Variants in DLG2 observed in about 807,000 individuals in gnomAD.
The protein encoded by DLG2 is disks large homolog 2.
A neutral mutation model predicts 132.5 loss-of-function variants in DLG2; 45 were observed. That is an observed-to-expected ratio of 0.34 (90% confidence interval 0.27 to 0.44). DLG2 has a LOEUF of 0.44. Among genes scored for constraint, DLG2 ranks in the 20% least tolerant of loss-of-function variants. DLG2 has a pLI of 1.00. For synonymous variants in DLG2, 424 were observed against 419.6 expected (o/e 1.01, Z -0.13); for missense variants, 1,045 against 1,196.9 (o/e 0.87, Z 1.87).
At chr11:84,541,961 T>C (rs2099373662) in intron 6 of DLG2, among the ~76,000 whole-genome samples, 1 of 152,176 alleles carries the variant, frequency 6.6e-6, no homozygotes, top group African/African-American at 2.4e-5. Flanking sequence ...CACTGGAGGT[T>C]CTCTGGTGCA....
At chr11:83,523,421 C>A (rs1027686525) in intron 21 of DLG2, among the ~76,000 whole-genome samples, 1 of 152,158 alleles carries the variant, frequency 6.6e-6, no homozygotes, top group Non-Finnish European at 1.5e-5. Context: ...ATGCTACTAA[C>A]ATCTGGAATT....
chr11:83,800,265 T>C (rs1395138049), intron 17 of DLG2, among the ~76,000 whole-genome samples: 1 of 152,184 alleles, frequency 6.6e-6, no homozygotes, highest in Non-Finnish European at 1.5e-5. Context: ...TCAGTTTCTT[T>C]ATCTAGAAAG....
At chr11:84,339,245 G>T (rs1040036764) in intron 7 of DLG2, among the ~76,000 whole-genome samples, 2 of 152,096 alleles carry the variant, frequency 1.3e-5, no homozygotes, top group East Asian at 3.9e-4. Context: ...TGTGTTAAAA[G>T]CAAAAGTAAT....
At chr11:84,933,861 C>T (rs2048370366) in intron 6 of DLG2, among the ~76,000 whole-genome samples, 1 of 152,206 alleles carries the variant, frequency 6.6e-6, no homozygotes, top group Non-Finnish European at 1.5e-5. Flanking sequence ...ATTTCCTTCT[C>T]TTTCCTCATT....
At chr11:84,739,751 G>C (rs1257748044) in intron 6 of DLG2, among the ~76,000 whole-genome samples, 24 of 152,152 alleles carry the variant, frequency 1.6e-4, no homozygotes, top group Admixed American at 1.6e-3. Flanking sequence ...ACTAGGTGAA[G>C]GATGTAGCCA....
intron 6 of DLG2, among the ~76,000 whole-genome samples, chr11:84,809,291 T>G (rs2076312575): frequency 6.6e-6 from 1 of 151,920 alleles, no homozygotes; most frequent in African/African-American, 2.4e-5. Flanking sequence ...CTCAACTCAA[T>G]AAAGTGCATC....
intron 6 of DLG2, among the ~76,000 whole-genome samples, chr11:84,653,164 A>C (rs2099684180): frequency 6.6e-6 from 1 of 152,132 alleles, no homozygotes; most frequent in Admixed American, 6.5e-5. Context: ...TCCTGACCTC[A>C]AGTGATCTTC....
At chr11:83,655,954 T>C (rs2072279300) in intron 18 of DLG2, among the ~76,000 whole-genome samples, 1 of 152,242 alleles carries the variant, frequency 6.6e-6, no homozygotes, top group African/African-American at 2.4e-5. Context: ...TCCTCAAAGA[T>C]GCCTAAACAG....
At chr11:85,445,025 G>A (rs755465718) in intron 3 of DLG2, among the ~76,000 whole-genome samples, 5 of 152,128 alleles carry the variant, frequency 3.3e-5, no homozygotes, top group Non-Finnish European at 5.9e-5. Flanking sequence ...AATAAAATAA[G>A]AGAAAGAACA....
At chr11:84,608,949 G>T (rs751617961) in intron 6 of DLG2, among the ~76,000 whole-genome samples, 2 of 152,216 alleles carry the variant, frequency 1.3e-5, no homozygotes, top group Non-Finnish European at 2.9e-5. Flanking sequence ...CACACATCTA[G>T]TAAGTGGCAC....
chr11:84,654,853 G>C (rs1047581965), intron 6 of DLG2, among the ~76,000 whole-genome samples: 1 of 152,142 alleles, frequency 6.6e-6, no homozygotes, highest in Non-Finnish European at 1.5e-5. Flanking sequence ...CCCCGATGTA[G>C]CTCTGGTTTC....
chr11:85,623,545 C>T (rs1047119883), intron 2 of DLG2, among the ~76,000 whole-genome samples: 6 of 152,104 alleles, frequency 3.9e-5, no homozygotes, highest in Non-Finnish European at 8.8e-5. Context: ...CCTCATGATC[C>T]GCCCGCCTCG....
chr11:84,890,489 A>G (rs1039875035), intron 6 of DLG2, among the ~76,000 whole-genome samples: 15 of 152,076 alleles, frequency 9.9e-5, no homozygotes, highest in African/African-American at 2.7e-4. Context: ...TACCTATCTG[A>G]TATGTTCTCT....
intron 6 of DLG2, among the ~76,000 whole-genome samples, chr11:85,082,288 C>T (rs561240845): frequency 1.2e-3 from 179 of 152,198 alleles, no homozygotes; most frequent in African/African-American, 4.2e-3. Context: ...ATTTCAGCTT[C>T]AGGCAATAAC....
Position 84,395,234 on chromosome 11 carries a change from G to A in DLG2, c.519+139336C>T, listed in dbSNP as rs902722430. ...TTTCCTGTACTGTTTATTCAAGTTC[G>A]TCTTTAATTATTTTAAACAATAAGT... is the stretch of plus-strand genomic sequence containing the variant. On this transcript the variant is annotated intron_variant, in intron 7 of 27. Transcript: ENST00000376104. Among the ~76,000 whole-genome samples, 11 of 150,790 alleles carry A rather than the reference G, an allele frequency of 7.3e-5. No individual in the cohort carries two copies. The South Asian group carries it at 1.9e-3, about 26-fold the overall frequency.
At chr11:83,468,328 C>T (rs1168352192) in intron 25 of DLG2, among the ~76,000 whole-genome samples, 1 of 152,110 alleles carries the variant, frequency 6.6e-6, no homozygotes, top group Admixed American at 6.6e-5. Flanking sequence ...AGCCACATAA[C>T]ATGTATAAAT....
chr11:84,173,852 C>A (rs2154271536), intron 8 of DLG2, among the ~76,000 whole-genome samples: 1 of 152,158 alleles, frequency 6.6e-6, no homozygotes, highest in East Asian at 1.9e-4. Context: ...CGCAACTTCC[C>A]TTTCCTTCCA....
intron 26 of DLG2, among the ~76,000 whole-genome samples, chr11:83,462,817 AT>A (rs753057106): frequency 9.9e-5 from 15 of 152,138 alleles, no homozygotes; most frequent in East Asian, 1.9e-4. Context: ...TTATATATAA[AT>A]TTTTTTTAAA....
chr11:84,166,397 G>A (rs1566782652), intron 8 of DLG2, among the ~76,000 whole-genome samples: 1 of 150,868 alleles, frequency 6.6e-6, no homozygotes, highest in Non-Finnish European at 1.5e-5. Flanking sequence ...AGCTACTCAG[G>A]AGGCTGAGGC....
Sources: gnomAD v4.1 joint callset for allele counts (sites outside exome capture counted in the v4.1 genomes callset) on GRCh38, gnomAD v4.1.1 for gene constraint, MANE v1.5 for transcripts, NCBI Gene and HGNC (gene_info 2026-07-23, HGNC 2026-07-21) for gene names.